The following MFAP3 variants were observed in gnomAD, a reference collection of about 807,000 sequenced individuals.
MFAP3 encodes microfibril associated protein 3.
Under a neutral mutation model 20.5 loss-of-function variants are expected in MFAP3, and 8 were observed. The observed-to-expected ratio is 0.39, with a 90% CI of 0.23 to 0.70. MFAP3 has a LOEUF of 0.70. MFAP3 is among the 30% of genes least tolerant of loss of function. The pLI is 0.44. For synonymous variants in MFAP3, 140 were observed against 154.0 expected, an observed-to-expected ratio of 0.91 and a Z score of 0.67; for missense variants, 398 against 444.6, an observed-to-expected ratio of 0.90 and a Z score of 0.94.
Position 154,049,925 on chromosome 5 carries a change from G to A in MFAP3, c.203G>A (p.Ser68Asn). 5.0e-6 allele frequency: 8 copies of A among 1,613,634 alleles called. No individual in the cohort carries two copies. The highest frequency in any genetic ancestry group is 6.8e-6 in the Non-Finnish European group (8 of 1,179,670). Residue 68 changes from serine (S) to asparagine (N), a missense_variant, in exon 2 of 3, where the codon AGC becomes AAC. Physicochemically the swap from Ser to Asn is conservative, Grantham distance 46. Transcript: ENST00000522782. The part of the protein sequence containing the change: ...DDVIIAKEGT[S>N]VSIECLLTAS... ...GTCATCATAGCCAAAGAGGGAACTA[G>A]CGTTTCAATTGAGTGTCTTCTCACA...
At chr5:154,049,126 AT>A in intron 1 of MFAP3, among the ~76,000 whole-genome samples, 1 of 152,230 alleles carries the variant, frequency 6.6e-6, no homozygotes, top group Non-Finnish European at 1.5e-5. Context: ...ATAACAACAG[AT>A]GGTAATGGTG....
rs1561590068 is a variant in MFAP3 at position 154,049,795 on chromosome 5, G to A, written c.73G>A (p.Val25Met). Reference protein sequence around the residue: ...IVPAAFVLEDVDFDQMVSLEA... With the variant: ...IVPAAFVLEDMDFDQMVSLEA... ...GCCAGCTGCTTTTGTTTTGGAAGAT[G>A]TGGACTTCGACCAAATGGTTTCACT... Residue 25 changes from valine (V) to methionine (M), a missense_variant, in exon 2 of 3, where the codon GTG (valine) becomes ATG (methionine). Physicochemically the swap from Val to Met is conservative, Grantham distance 21. Coordinates refer to ENST00000522782, the MANE Select transcript of MFAP3 (RefSeq NM_005927.5). The A allele has an allele frequency of 6.2e-7, 1 of 1,613,678 alleles. No individual in the cohort carries two copies. The highest frequency in any genetic ancestry group is 8.5e-7 in the Non-Finnish European group (1 of 1,179,698).
At chr5:154,041,625 TATCTC>T (rs545420293) in intron 1 of MFAP3, among the ~76,000 whole-genome samples, 242 of 152,366 alleles carry the variant, frequency 1.6e-3, no homozygotes, top group African/African-American at 5.5e-3. Flanking sequence ...ATTTTAAGCT[TATCTC>T]ATGGGCAGTG....
chr5:154,043,147 T>C (rs901425268), intron 1 of MFAP3, among the ~76,000 whole-genome samples: 1 of 152,242 alleles, frequency 6.6e-6, no homozygotes, highest in Non-Finnish European at 1.5e-5. Flanking sequence ...TCTGATTCTT[T>C]ATGATCCTAG....
In MFAP3 at chr5:154,055,462, G is replaced by T. The variant is rs1186681562; in HGVS notation, c.*1749G>T. 6.6e-6 allele frequency among the ~76,000 whole-genome samples: 1 copy of T among 152,158 alleles called. No homozygotes were observed. Among genetic ancestry groups the T allele is most frequent in the Non-Finnish European group, 1.5e-5 (1 of 68,022 alleles). On this transcript the variant is annotated 3_prime_UTR_variant, in exon 3 of 3. Transcript: ENST00000522782. Reference sequence around the variant, plus strand: ...GGCTGTTTCCATGGAAACCTCTAGAGCCAAATAAAAGCTAACCAATCATTT... The same window carrying T: ...GGCTGTTTCCATGGAAACCTCTAGATCCAAATAAAAGCTAACCAATCATTT...
Position 154,049,601 on chromosome 5 carries a change from C to A in MFAP3, c.-122C>A. ...TAATCTTGAAGACTAGAAAATATAA[C>A]TGGATCTACCACTTGTTTGGAAAAT... is the stretch of plus-strand genomic sequence containing the variant. On this transcript the variant is annotated 5_prime_UTR_variant, in exon 2 of 3. It adds an upstream start codon to the 5' untranslated region. Coordinates refer to ENST00000522782, the MANE Select transcript of MFAP3 (RefSeq NM_005927.5). 2.1e-6 allele frequency: 2 copies of A among 934,484 alleles called. No individual in the cohort carries two copies. Among genetic ancestry groups the A allele is most frequent in the Non-Finnish European group, 3.2e-6 (2 of 634,458 alleles). The allele number at this position is 934,484 out of a possible 1,614,324, so 57.9% of individuals were successfully genotyped here. A position where few individuals can be genotyped will look rare whatever the true frequency, so the allele number is the denominator to read the frequency against.
intron 1 of MFAP3, among the ~76,000 whole-genome samples, chr5:154,040,889 G>C (rs556810002): frequency 1.8e-4 from 28 of 152,174 alleles, no homozygotes; most frequent in African/African-American, 6.0e-4. Flanking sequence ...AGTTTCCAGA[G>C]CCTGAAGCTC....
At position 154,049,884 on chromosome 5, in the gene MFAP3, C is replaced by G; in HGVS notation, c.162C>G (p.Ser54=). 3.1e-6 allele frequency: 5 copies of G among 1,613,686 alleles called. No individual in the cohort carries two copies. The South Asian group carries it at 5.5e-5, about 18-fold the overall frequency. ...FPSSFELSAS[S]HSDDDVIIAK... ...CAAGCTTTGAACTCTCAGCAAGTTC[C>G]CACTCGGATGATGATGTCATCATAG... The change falls in exon 2 of 3, where the codon TCC becomes TCG. Residue 54 remains serine, a synonymous_variant. Transcript: ENST00000522782.
Position 154,053,190 on chromosome 5 carries a change from G to A in MFAP3, c.566G>A (p.Arg189Lys), listed in dbSNP as rs773301892. 3.1e-6 allele frequency: 5 copies of A among 1,613,784 alleles called. No homozygotes were observed. The African/African-American group carries it at 6.7e-5, about 22-fold the overall frequency. The stretch of plus-strand genomic sequence containing the variant: ...GAGAAGGCTATCAATGAGTTCTTTA[G>A]AACTGAAGGGGCTGAGAAACTTCAG... The part of the protein sequence containing the change: ...KTEKAINEFF[R>K]TEGAEKLQKA... Residue 189 changes from arginine to lysine, a missense_variant, in exon 3 of 3, where the codon AGA (arginine) becomes AAA (lysine). Coordinates refer to ENST00000522782, the MANE Select transcript of MFAP3 (RefSeq NM_005927.5).
intron 2 of MFAP3, among the ~76,000 whole-genome samples, chr5:154,050,555 C>T (rs555363799): frequency 3.8e-4 from 57 of 149,990 alleles, no homozygotes; most frequent in African/African-American, 1.3e-3. Context: ...AAAACTTTGA[C>T]GTCAGGTCTC....
In MFAP3 at chr5:154,041,838, T is replaced by C. The variant is rs529094402; in HGVS notation, c.-167+2827T>C. Reference sequence around the variant, plus strand: ...TTAGGACAGAGACAACAGGACTTAATTGAAAAATGTGTAGGAGGTGGAATA... The same window carrying C: ...TTAGGACAGAGACAACAGGACTTAACTGAAAAATGTGTAGGAGGTGGAATA... On this transcript the variant is annotated intron_variant, in intron 1 of 2. Coordinates refer to ENST00000522782, the MANE Select transcript of MFAP3 (RefSeq NM_005927.5). Among the ~76,000 whole-genome samples the C allele has an allele frequency of 5.3e-4, 81 of 152,344 alleles. 1 individual carries two copies. The highest frequency in any genetic ancestry group is 6.2e-4 in the Non-Finnish European group (42 of 68,038).
chr5:154,052,953 A>G lies in MFAP3; in HGVS notation c.329A>G (p.Asn110Ser). The change falls in exon 3 of 3, where the codon AAC (asparagine) becomes AGC (serine). Residue 110 changes from asparagine to serine, a missense_variant. Asn to Ser is a conservative substitution (Grantham distance 46). Coordinates refer to ENST00000522782, the MANE Select transcript of MFAP3 (RefSeq NM_005927.5). ...TGGTTGGTTTCTGATAACTTCCTAA[A>G]CATCACCAATGTAGCTTTTGATGAC... is the stretch of plus-strand genomic sequence containing the variant. ...GKWLVSDNFL[N>S]ITNVAFDDRG... 1 of 1,613,466 alleles carries G rather than the reference A, an allele frequency of 6.2e-7. No homozygotes were observed. The highest frequency in any genetic ancestry group is 8.5e-7 in the Non-Finnish European group (1 of 1,179,560).
intron 1 of MFAP3, among the ~76,000 whole-genome samples, chr5:154,044,243 T>C (rs1339746576): frequency 1.3e-5 from 2 of 152,216 alleles, no homozygotes; most frequent in Admixed American, 6.5e-5. Context: ...AGAATGGTCA[T>C]AGTCAATGCA....
Position 154,043,278 on chromosome 5 carries a change from G to A in MFAP3, c.-167+4267G>A, listed in dbSNP as rs977743745. Among the ~76,000 whole-genome samples, 3 of 152,074 alleles carry A rather than the reference G, an allele frequency of 2.0e-5. 1 individual carries two copies. The highest frequency in any genetic ancestry group is 7.2e-5 in the African/African-American group (3 of 41,406). Reference sequence around the variant, plus strand: ...AAGAAAGGTAATATAGGCTGGGCGCGGTGGCTCACGCCTGTAATCCCAGCA... The same window carrying A: ...AAGAAAGGTAATATAGGCTGGGCGCAGTGGCTCACGCCTGTAATCCCAGCA... On this transcript the variant is annotated intron_variant, in intron 1 of 2. Transcript: ENST00000522782.
Position 154,053,808 on chromosome 5 carries a change from CTG to C in MFAP3, c.*96_*97del. On this transcript the variant is annotated 3_prime_UTR_variant, in exon 3 of 3. Transcript: ENST00000522782. ...AAGTAACATTTTTGCCAAAAGATGA[CTG>C]GGGTTTTCCGTTTGTTAATATTAAG... The C allele has an allele frequency of 8.6e-7, 1 of 1,169,092 alleles. No individual in the cohort carries two copies. Among genetic ancestry groups the C allele is most frequent in the Non-Finnish European group, 1.2e-6 (1 of 821,992 alleles). 72.4% of individuals were successfully genotyped at this position (1,169,092 alleles called of 1,614,324 possible).
At chr5:154,046,547 G>T (rs1773076372) in intron 1 of MFAP3, among the ~76,000 whole-genome samples, 1 of 152,142 alleles carries the variant, frequency 6.6e-6, no homozygotes, top group African/African-American at 2.4e-5. Context: ...GGGCTCTGGG[G>T]TGAAGGAGAA....
intron 1 of MFAP3, among the ~76,000 whole-genome samples, chr5:154,043,694 A>C (rs893428075): frequency 6.6e-6 from 1 of 151,868 alleles, no homozygotes; most frequent in African/African-American, 2.4e-5. Context: ...TTGGGTTTCA[A>C]ATGTCAGCTG....
chr5:154,043,775 T>G (rs1257231853), intron 1 of MFAP3, among the ~76,000 whole-genome samples: 1 of 151,780 alleles, frequency 6.6e-6, no homozygotes, highest in African/African-American at 2.4e-5. Context: ...CACGTACTCT[T>G]GTGTCTCCCA....
At position 154,055,064 on chromosome 5, in the gene MFAP3, G is replaced by A. The variant is rs1378375865; in HGVS notation, c.*1351G>A. On this transcript the variant is annotated 3_prime_UTR_variant, in exon 3 of 3. Transcript: ENST00000522782. ...TGCCTGGCTGAGATCTGATATAATG[G>A]AATTGTAAATACTCTTCAGAACAAT... 1 of 166,982 alleles carries A rather than the reference G, an allele frequency of 6.0e-6. No individual in the cohort carries two copies. The highest frequency in any genetic ancestry group is 2.4e-5 in the African/African-American group (1 of 41,428). The allele number at this position is 166,982 out of a possible 1,614,324, so 10.3% of individuals were successfully genotyped here.
Sources: allele counts gnomAD v4.1 joint callset (sites outside exome capture counted in the v4.1 genomes callset), GRCh38; gene constraint gnomAD v4.1.1; transcripts MANE v1.5; gene names NCBI Gene and HGNC (gene_info 2026-07-23, HGNC 2026-07-21).